The following HNMT variants were observed in gnomAD, a reference collection of about 807,000 sequenced individuals.
HNMT encodes the protein histamine N-methyltransferase.
A neutral mutation model predicts 32.1 loss-of-function variants in HNMT; 30 were observed. That is an observed-to-expected ratio of 0.93 (90% confidence interval 0.70 to 1.27). The LOEUF (loss-of-function observed/expected upper bound fraction) is 1.27. Ranked by LOEUF, HNMT falls within the 50% of genes most tolerant of loss-of-function variation. HNMT has a pLI of 0.00. For missense variants in HNMT, 327 were observed against 346.0 expected (o/e 0.95, Z 0.43); for synonymous variants, 125 against 119.0 (o/e 1.05, Z -0.33).
rs746095553 is a variant in HNMT, at chr2:138,005,115, T to G, written c.430-17T>G. On this transcript the variant is annotated splice_polypyrimidine_tract_variant and intron_variant, in intron 4 of 5. Coordinates refer to ENST00000280097, the MANE Select transcript of HNMT (RefSeq NM_006895.3). ...AACATACAGAAGCAGCTCATTTCTCTTTTTCCTCCTTTCTAGATGCTGTAT... is the reference window on the plus strand; with the variant it reads ...AACATACAGAAGCAGCTCATTTCTCGTTTTCCTCCTTTCTAGATGCTGTAT... The G allele has an allele frequency of 7.1e-7, 1 of 1,406,006 alleles. No homozygotes were observed. Among genetic ancestry groups the G allele is most frequent in the African/African-American group, 1.4e-5 (1 of 70,794 alleles). 87.1% of individuals were successfully genotyped at this position (1,406,006 alleles called of 1,614,324 possible).
chr2:137,981,689 A>G, intron 2 of HNMT: 1 of 327,582 alleles, frequency 3.1e-6, no homozygotes, highest in South Asian at 5.9e-5. Context: ...TCTCCATATA[A>G]TGCCTGTAAT....
intron 5 of HNMT, among the ~76,000 whole-genome samples, chr2:138,009,128 C>T (rs1298424404): frequency 6.6e-6 from 1 of 151,888 alleles, no homozygotes; most frequent in Non-Finnish European, 1.5e-5. Flanking sequence ...AGAGATGTGG[C>T]CAAGAAGCAT....
intron 2 of HNMT, among the ~76,000 whole-genome samples, chr2:137,987,529 C>A (rs1680682963): frequency 6.6e-6 from 1 of 150,394 alleles, no homozygotes; most frequent in South Asian, 2.1e-4. Context: ...GCATTCCATA[C>A]CTGATTCTGG....
At chr2:137,989,082 A>G (rs188330194) in intron 2 of HNMT, among the ~76,000 whole-genome samples, 276 of 152,314 alleles carry the variant, frequency 1.8e-3, no homozygotes, top group Non-Finnish European at 3.0e-3. Context: ...CCATTGACAT[A>G]TAATTACTAG....
In HNMT at chr2:138,014,005, G is replaced by A. The variant is rs1681589249; in HGVS notation, c.754G>A (p.Ala252Thr). Residue 252 changes from alanine to threonine, a missense_variant, in exon 6 of 6, where the codon GCC (alanine) becomes ACC (threonine). Ala to Thr is a moderately conservative substitution (Grantham distance 58, BLOSUM62 0). Transcript: ENST00000280097. Reference protein sequence around the residue: ...DFLTETCNFNATAPPDLRAEL... With the variant: ...DFLTETCNFNTTAPPDLRAEL... ...TTTGACTGAAACCTGCAACTTTAAT[G>A]CCACAGCACCACCTGATCTCAGAGC... The A allele has an allele frequency of 2.5e-6, 4 of 1,613,660 alleles. No individual in the cohort carries two copies. The highest frequency in any genetic ancestry group is 1.3e-5 in the African/African-American group (1 of 74,970).
intron 2 of HNMT, among the ~76,000 whole-genome samples, chr2:137,985,217 A>G (rs1680617566): frequency 1.3e-5 from 2 of 150,458 alleles, no homozygotes; most frequent in South Asian, 2.1e-4. Context: ...AAAAAAAAAA[A>G]GATTAAGAAT....
intron 2 of HNMT, among the ~76,000 whole-genome samples, chr2:137,975,122 G>C (rs1680250044): frequency 6.6e-6 from 1 of 152,210 alleles, no homozygotes; most frequent in Non-Finnish European, 1.5e-5. Context: ...GAAAGTGTCT[G>C]AGACAGCTCT....
chr2:137,997,226 G>A (rs1182787906), intron 2 of HNMT, among the ~76,000 whole-genome samples: 2 of 152,042 alleles, frequency 1.3e-5, no homozygotes, highest in African/African-American at 2.4e-5. Context: ...TATCATCAGA[G>A]TGAACAGGCA....
In HNMT at chr2:138,003,790, C is replaced by T. The variant is rs527959449; in HGVS notation, c.430-1342C>T. Reference sequence around the variant, plus strand: ...CATAACTGCATTTGTGCATCATCTCCTTCTTCCATCTTATTGCAAAAACCT... The same window carrying T: ...CATAACTGCATTTGTGCATCATCTCTTTCTTCCATCTTATTGCAAAAACCT... On this transcript the variant is annotated intron_variant, in intron 4 of 5. Coordinates refer to ENST00000280097, the MANE Select transcript of HNMT (RefSeq NM_006895.3). 2.0e-4 allele frequency among the ~76,000 whole-genome samples: 31 copies of T among 152,198 alleles called. No homozygotes were observed. The South Asian group carries it at 6.2e-3, about 31-fold the overall frequency.
At chr2:137,965,861 G>A (rs1482390430) in intron 1 of HNMT, among the ~76,000 whole-genome samples, 1 of 152,150 alleles carries the variant, frequency 6.6e-6, no homozygotes, top group Non-Finnish European at 1.5e-5. Context: ...AGGTACCGTG[G>A]ATGGAGATAA....
intron 2 of HNMT, among the ~76,000 whole-genome samples, chr2:137,994,782 T>G (rs980123383): frequency 3.3e-5 from 5 of 152,218 alleles, no homozygotes; most frequent in Admixed American, 2.0e-4. Flanking sequence ...AAAACACTCC[T>G]TAGCAAATGC....
At chr2:137,979,176 T>A (rs1399407516) in intron 2 of HNMT, among the ~76,000 whole-genome samples, 2 of 148,402 alleles carry the variant, frequency 1.3e-5, no homozygotes, top group African/African-American at 4.9e-5. Context: ...TAAAATTATA[T>A]ATTCACATAT....
In HNMT at chr2:138,005,244, G is replaced by A. The variant is rs747175780; in HGVS notation, c.523+19G>A. On this transcript the variant is annotated intron_variant, in intron 5 of 5. Coordinates refer to ENST00000280097, the MANE Select transcript of HNMT (RefSeq NM_006895.3). ...GTGTCAGGTAAGTTATTTTCATTCA[G>A]CCTGAATTTTAAAACAGCAATAATA... The A allele has an allele frequency of 1.2e-5, 16 of 1,368,862 alleles. No homozygotes were observed. Among genetic ancestry groups the A allele is most frequent in the Non-Finnish European group, 1.5e-5 (14 of 958,636 alleles). The allele number at this position is 1,368,862 out of a possible 1,614,324, so 84.8% of individuals were successfully genotyped here. A position where few individuals can be genotyped will look rare whatever the true frequency, so the allele number is the denominator to read the frequency against.
chr2:137,968,120 A>C (rs909873197), intron 1 of HNMT, among the ~76,000 whole-genome samples: 1 of 152,260 alleles, frequency 6.6e-6, no homozygotes, highest in African/African-American at 2.4e-5. Flanking sequence ...TTGTTTCCCT[A>C]TAGAGGAATT....
At chr2:138,001,283 G>A (rs1681162617) in intron 3 of HNMT, among the ~76,000 whole-genome samples, 2 of 152,138 alleles carry the variant, frequency 1.3e-5, no homozygotes. Flanking sequence ...TTATGCTTAA[G>A]TACAGATTCA....
chr2:137,979,602 T>C lies in HNMT; in HGVS notation c.190+9385T>C, dbSNP rs145999068. ...TATGAAAGATTAATAATTAAATGAA[T>C]TATTTCACATGTCCATTTAAGAGAA... On this transcript the variant is annotated intron_variant, in intron 2 of 5. Transcript: ENST00000280097. Among the ~76,000 whole-genome samples, 1,154 of 152,142 alleles carry C rather than the reference T, an allele frequency of 7.6e-3. 11 individuals carry two copies. The highest frequency in any genetic ancestry group is 0.026 in the African/African-American group (1,087 of 41,542).
At chr2:137,983,206 C>T (rs1196025967) in intron 2 of HNMT, among the ~76,000 whole-genome samples, 1 of 152,034 alleles carries the variant, frequency 6.6e-6, no homozygotes, top group Non-Finnish European at 1.5e-5. Flanking sequence ...ACAGACTTGC[C>T]CAAGGGGTAT....
At position 138,001,011 on chromosome 2, in the gene HNMT, T is replaced by C. The variant is rs775195213; in HGVS notation, c.284T>C (p.Ile95Thr). 6.2e-7 allele frequency: 1 copy of C among 1,601,022 alleles called. No homozygotes were observed. The highest frequency in any genetic ancestry group is 8.5e-7 in the Non-Finnish European group (1 of 1,171,120). ...NEVVEPSAEQ[I>T]AKYKELVAKT... ...GTTGTTGAGCCAAGTGCTGAACAAA[T>C]TGCCAAATACAAAGGTACCTGTAAC... Residue 95 changes from isoleucine to threonine, a missense_variant, in exon 3 of 6, where the codon ATT becomes ACT. Transcript: ENST00000280097.
intron 2 of HNMT, chr2:137,981,227 C>T (rs765969099): frequency 1.9e-6 from 3 of 1,613,234 alleles, no homozygotes; most frequent in South Asian, 1.1e-5. Flanking sequence ...TTGTCTCATT[C>T]GGGGAAGCTC....
Sources: gnomAD v4.1 joint callset for allele counts (sites outside exome capture counted in the v4.1 genomes callset) on GRCh38, gnomAD v4.1.1 for gene constraint, MANE v1.5 for transcripts, NCBI Gene and HGNC (gene_info 2026-07-23, HGNC 2026-07-21) for gene names.